The following RAB39A variants were observed in gnomAD, a reference collection of about 807,000 sequenced individuals.
RAB39A encodes the protein RAB39A, member RAS oncogene family.
A neutral mutation model predicts 20.9 loss-of-function variants in RAB39A; 17 were observed. That is an observed-to-expected ratio of 0.81 (90% CI 0.56 to 1.22). The LOEUF is 1.22. Among genes scored for constraint, RAB39A ranks in the 50% most tolerant of loss-of-function variants. The pLI, the probability that RAB39A is intolerant of heterozygous loss-of-function variation, is 0.00. For missense variants in RAB39A, 234 were observed against 270.5 expected, an observed-to-expected ratio of 0.87 and a Z score of 0.95; for synonymous variants, 99 against 103.4, an observed-to-expected ratio of 0.96 and a Z score of 0.26.
chr11:107,934,646 G>C (rs1861174511), intron 1 of RAB39A, among the ~76,000 whole-genome samples: 1 of 152,144 alleles, frequency 6.6e-6, no homozygotes, highest in South Asian at 2.1e-4. Context: ...AAAGCCTCAG[G>C]CCGGGCGTGG....
intron 1 of RAB39A, among the ~76,000 whole-genome samples, chr11:107,958,200 G>T (rs1019815688): frequency 1.3e-5 from 2 of 152,140 alleles, no homozygotes; most frequent in Non-Finnish European, 2.9e-5. Flanking sequence ...CCCATTCAGG[G>T]AGACTTTCAA....
At chr11:107,955,605 G>A (rs988466162) in intron 1 of RAB39A, among the ~76,000 whole-genome samples, 3 of 152,162 alleles carry the variant, frequency 2.0e-5, no homozygotes, top group East Asian at 3.9e-4. Flanking sequence ...TTGGGAGGCC[G>A]AGGCAGGCGG....
At chr11:107,957,937 G>C (rs781732229) in intron 1 of RAB39A, among the ~76,000 whole-genome samples, 2 of 151,706 alleles carry the variant, frequency 1.3e-5, no homozygotes, top group Non-Finnish European at 2.9e-5. Flanking sequence ...TGTCGCCCAG[G>C]CTGGAGTGCA....
At chr11:107,954,192 A>T (rs913736789) in intron 1 of RAB39A, among the ~76,000 whole-genome samples, 1 of 152,236 alleles carries the variant, frequency 6.6e-6, no homozygotes, top group African/African-American at 2.4e-5. Flanking sequence ...GTAGTAAGCA[A>T]TAACAGTTCA....
chr11:107,955,900 T>C (rs1372908269), intron 1 of RAB39A, among the ~76,000 whole-genome samples: 2 of 152,158 alleles, frequency 1.3e-5, no homozygotes, highest in Non-Finnish European at 2.9e-5. Flanking sequence ...GCATTTTTTT[T>C]TTTAGTAGGG....
At chr11:107,959,774 A>G (rs2134975745) in intron 1 of RAB39A, among the ~76,000 whole-genome samples, 1 of 152,322 alleles carries the variant, frequency 6.6e-6, no homozygotes, top group East Asian at 1.9e-4. Context: ...GGTAACAAAT[A>G]ACCCACTGGC....
intron 1 of RAB39A, among the ~76,000 whole-genome samples, chr11:107,946,752 G>A (rs1252003694): frequency 6.6e-6 from 1 of 150,898 alleles, no homozygotes; most frequent in Non-Finnish European, 1.5e-5. Flanking sequence ...GAGATTACAG[G>A]CGTGAGCCAC....
intron 1 of RAB39A, among the ~76,000 whole-genome samples, chr11:107,939,535 G>A (rs1464673030): frequency 6.1e-5 from 9 of 148,316 alleles, no homozygotes; most frequent in African/African-American, 9.9e-5. Flanking sequence ...GCGTGAACCC[G>A]GGAGGCAAAG....
chr11:107,935,125 G>A (rs906501591), intron 1 of RAB39A, among the ~76,000 whole-genome samples: 4 of 151,970 alleles, frequency 2.6e-5, no homozygotes, highest in Non-Finnish European at 2.9e-5. Context: ...AAGGGGTCCC[G>A]ATCCAGACCC....
chr11:107,932,015 A>G (rs1861142864), intron 1 of RAB39A, among the ~76,000 whole-genome samples: 1 of 150,716 alleles, frequency 6.6e-6, no homozygotes, highest in African/African-American at 2.4e-5. Flanking sequence ...ACACACCACC[A>G]CGCCTAGCTA....
intron 1 of RAB39A, among the ~76,000 whole-genome samples, chr11:107,941,986 C>A (rs1275220363): frequency 6.6e-6 from 1 of 150,556 alleles, no homozygotes; most frequent in African/African-American, 2.4e-5. Context: ...GTAATCCCAG[C>A]TACTGAGGAG....
At chr11:107,945,704 G>A (rs1555097181) in intron 1 of RAB39A, among the ~76,000 whole-genome samples, 2 of 152,158 alleles carry the variant, frequency 1.3e-5, no homozygotes, top group Non-Finnish European at 2.9e-5. Flanking sequence ...GTTTAAGAAG[G>A]ATGGGATTCT....
chr11:107,938,352 T>C (rs1219850932), intron 1 of RAB39A, among the ~76,000 whole-genome samples: 6 of 85,080 alleles, frequency 7.1e-5, no homozygotes, highest in Non-Finnish European at 8.9e-5. Context: ...AGAGCAAGAC[T>C]CCGTCTCAAA....
chr11:107,937,609 C>A (rs1481282643), intron 1 of RAB39A, among the ~76,000 whole-genome samples: 1 of 151,534 alleles, frequency 6.6e-6, no homozygotes, highest in Admixed American at 6.6e-5. Context: ...AATCTCGGCT[C>A]ACTGCAAGCT....
intron 1 of RAB39A, among the ~76,000 whole-genome samples, chr11:107,939,613 G>T (rs868056746): frequency 2.7e-3 from 172 of 64,060 alleles, no homozygotes; most frequent in African/African-American, 0.011. Context: ...CCATCTCAAA[G>T]AAAAAAAAAA....
intron 1 of RAB39A, among the ~76,000 whole-genome samples, chr11:107,954,109 T>A (rs963619): frequency 6.6e-6 from 1 of 151,956 alleles, no homozygotes; most frequent in Non-Finnish European, 1.5e-5. Context: ...TGAGGACATA[T>A]CTGTGTCCCC....
intron 1 of RAB39A, among the ~76,000 whole-genome samples, chr11:107,939,839 G>A (rs1245562336): frequency 6.6e-6 from 1 of 152,048 alleles, no homozygotes; most frequent in Non-Finnish European, 1.5e-5. Flanking sequence ...TGACTCACTG[G>A]CTTCATGTTG....
At chr11:107,952,743 C>T (rs999262964) in intron 1 of RAB39A, among the ~76,000 whole-genome samples, 26 of 150,030 alleles carry the variant, frequency 1.7e-4, no homozygotes, top group African/African-American at 6.4e-4. Context: ...ATTAGCTGGG[C>T]GTGGTGGCAC....
intron 1 of RAB39A, among the ~76,000 whole-genome samples, chr11:107,942,996 G>C (rs1004726425): frequency 1.3e-5 from 2 of 152,142 alleles, no homozygotes; most frequent in African/African-American, 4.8e-5. Flanking sequence ...TAGCAATACA[G>C]ATAACTGTCA....
Sources: gnomAD v4.1 joint callset for allele counts (sites outside exome capture counted in the v4.1 genomes callset) on GRCh38, gnomAD v4.1.1 for gene constraint, MANE v1.5 for transcripts, NCBI Gene and HGNC (gene_info 2026-07-23, HGNC 2026-07-21) for gene names.